The following ZNF804A variants were observed in gnomAD, a reference collection of about 807,000 sequenced individuals.
ZNF804A encodes the protein zinc finger protein 804A.
Under a neutral mutation model 16.5 loss-of-function variants are expected in ZNF804A, and 2 were observed. That is an observed-to-expected ratio of 0.12 (90% CI 0.05 to 0.38). The LOEUF (loss-of-function observed/expected upper bound fraction) is 0.38. Ranked by LOEUF, ZNF804A falls within the 10% of genes least tolerant of loss-of-function variation. The probability of loss-of-function intolerance (pLI) is 0.99; values close to 1 mark genes in which losing one functional copy is unlikely to be tolerated. For synonymous variants in ZNF804A, 534 were observed against 489.6 expected (o/e 1.09, Z -1.20); for missense variants, 1,473 against 1,390.7 (o/e 1.06, Z -0.94).
intron 1 of ZNF804A, among the ~76,000 whole-genome samples, chr2:184,633,710 G>A (rs1691651736): frequency 6.6e-6 from 1 of 152,044 alleles, no homozygotes; most frequent in African/African-American, 2.4e-5. Context: ...ATACATTTTA[G>A]CGTTTTTGTA....
At chr2:184,659,740 A>T (rs1692137356) in intron 1 of ZNF804A, among the ~76,000 whole-genome samples, 1 of 152,174 alleles carries the variant, frequency 6.6e-6, no homozygotes, top group South Asian at 2.1e-4. Context: ...TATATACATA[A>T]CTACAACTTA....
In ZNF804A at chr2:184,938,743, C is replaced by T. The variant is rs1020816364; in HGVS notation, c.3347C>T (p.Ala1116Val). ...GCAGCTGCTGCAGCTGCAGCTGCAGCCGCAGCTGCAGGAACCTTTAAAGTG... is the reference window on the plus strand; with the variant it reads ...GCAGCTGCTGCAGCTGCAGCTGCAGTCGCAGCTGCAGGAACCTTTAAAGTG... ...HAAAAAAAAA[A>V]AAAGTFKVLQ... Residue 1116 changes from alanine (A) to valine (V), a missense_variant, in exon 4 of 4, where the codon GCC (alanine) becomes GTC (valine). Physicochemically the swap from Ala to Val is moderately conservative, Grantham distance 64. Transcript: ENST00000302277. The T allele has an allele frequency of 3.1e-6, 5 of 1,608,710 alleles. No homozygotes were observed. The highest frequency in any genetic ancestry group is 1.3e-5 in the African/African-American group (1 of 74,674).
chr2:184,670,408 A>T (rs960908718), intron 1 of ZNF804A, among the ~76,000 whole-genome samples: 5 of 152,030 alleles, frequency 3.3e-5, no homozygotes, highest in Non-Finnish European at 7.4e-5. Context: ...CTTTATTAAG[A>T]CACATGTTAG....
chr2:184,802,421 G>A (rs1451413979), intron 1 of ZNF804A, among the ~76,000 whole-genome samples: 1 of 152,128 alleles, frequency 6.6e-6, no homozygotes, highest in East Asian at 1.9e-4. Flanking sequence ...TGTCCTTTAA[G>A]GTAAAATCCA....
intron 1 of ZNF804A, among the ~76,000 whole-genome samples, chr2:184,638,834 C>A (rs1691745087): frequency 6.6e-6 from 1 of 152,094 alleles, no homozygotes; most frequent in Admixed American, 6.6e-5. Context: ...TTCGTATTTC[C>A]AAAGGCTACA....
intron 1 of ZNF804A, among the ~76,000 whole-genome samples, chr2:184,735,723 A>C (rs1693597351): frequency 6.6e-6 from 1 of 152,186 alleles, no homozygotes. Context: ...CAGTTTGTGG[A>C]GTAAAACAGT....
intron 1 of ZNF804A, among the ~76,000 whole-genome samples, chr2:184,846,819 A>T (rs1035177090): frequency 6.6e-6 from 1 of 152,080 alleles, no homozygotes; most frequent in South Asian, 2.1e-4. Flanking sequence ...CTTCCATTAG[A>T]GTCCAGCGAT....
intron 1 of ZNF804A, among the ~76,000 whole-genome samples, chr2:184,675,850 A>G (rs1289973994): frequency 4.6e-5 from 7 of 151,732 alleles, no homozygotes; most frequent in Admixed American, 4.6e-4. Flanking sequence ...ACACTAGTGA[A>G]CACAAGAAAA....
At chr2:184,916,440 A>G (rs909863234) in intron 2 of ZNF804A, among the ~76,000 whole-genome samples, 1 of 152,210 alleles carries the variant, frequency 6.6e-6, no homozygotes, top group Non-Finnish European at 1.5e-5. Context: ...TACATATCAT[A>G]TGAGGAGACA....
intron 1 of ZNF804A, among the ~76,000 whole-genome samples, chr2:184,685,167 C>T (rs1049844177): frequency 6.6e-6 from 1 of 152,098 alleles, no homozygotes; most frequent in Non-Finnish European, 1.5e-5. Context: ...CAGCTCCAGG[C>T]TCTGGCATAG....
intron 1 of ZNF804A, among the ~76,000 whole-genome samples, chr2:184,655,089 G>A (rs551670310): frequency 6.6e-6 from 1 of 152,162 alleles, no homozygotes; most frequent in South Asian, 2.1e-4. Context: ...TAATAATTAC[G>A]CAAGAGTTAG....
intron 1 of ZNF804A, among the ~76,000 whole-genome samples, chr2:184,754,923 C>T (rs545117265): frequency 2.6e-5 from 4 of 151,822 alleles, no homozygotes; most frequent in Admixed American, 1.3e-4. Context: ...AGCCACACAC[C>T]TTTAAACCAT....
At chr2:184,911,959 T>A (rs1685366299) in intron 2 of ZNF804A, among the ~76,000 whole-genome samples, 1 of 151,980 alleles carries the variant, frequency 6.6e-6, no homozygotes, top group Admixed American at 6.6e-5. Flanking sequence ...TGGATAAAAT[T>A]GAGATTTATT....
chr2:184,818,283 C>T (rs1013985714), intron 1 of ZNF804A, among the ~76,000 whole-genome samples: 3 of 151,754 alleles, frequency 2.0e-5, no homozygotes, highest in Middle Eastern at 3.2e-3. Flanking sequence ...AATTTGCAAC[C>T]CAGAATTGGA....
chr2:184,674,423 A>G (rs1296303303), intron 1 of ZNF804A, among the ~76,000 whole-genome samples: 1 of 152,000 alleles, frequency 6.6e-6, no homozygotes, highest in East Asian at 1.9e-4. Flanking sequence ...ACACAAGCAG[A>G]AAATCACAAA....
At chr2:184,925,883 G>T (rs1685602157) in intron 2 of ZNF804A, among the ~76,000 whole-genome samples, 1 of 151,400 alleles carries the variant, frequency 6.6e-6, no homozygotes, top group African/African-American at 2.4e-5. Context: ...TTTATTTTTT[G>T]TTGTTTCTGT....
chr2:184,873,078 A>G (rs1695999090), intron 2 of ZNF804A, among the ~76,000 whole-genome samples: 1 of 152,228 alleles, frequency 6.6e-6, no homozygotes, highest in South Asian at 2.1e-4. Flanking sequence ...TAGAGTAAAC[A>G]AACAAAATCA....
At chr2:184,731,325 G>T (rs1242874443) in intron 1 of ZNF804A, among the ~76,000 whole-genome samples, 1 of 149,766 alleles carries the variant, frequency 6.7e-6, no homozygotes, top group East Asian at 2.0e-4. Context: ...TTCCAAAGTG[G>T]TTGTGTCATT....
intron 1 of ZNF804A, among the ~76,000 whole-genome samples, chr2:184,641,456 G>A (rs551789782): frequency 6.6e-6 from 1 of 152,256 alleles, no homozygotes; most frequent in African/African-American, 2.4e-5. Flanking sequence ...TGGAGTAATG[G>A]AAATGTTTTA....
Sources: gnomAD v4.1 joint callset for allele counts (sites outside exome capture counted in the v4.1 genomes callset) on GRCh38, gnomAD v4.1.1 for gene constraint, MANE v1.5 for transcripts, NCBI Gene and HGNC (gene_info 2026-07-23, HGNC 2026-07-21) for gene names.